Variants in DCTN5 observed in about 807,000 individuals in gnomAD.
The protein encoded by DCTN5 is dynactin subunit 5.
A neutral mutation model predicts 23.5 loss-of-function variants in DCTN5; 14 were observed. That is an observed-to-expected ratio of 0.60 (90% CI 0.39 to 0.93). The LOEUF is 0.93. Among genes scored for constraint, DCTN5 ranks in the 40% least tolerant of loss-of-function variants. DCTN5 has a pLI of 0.00. For missense variants in DCTN5, 156 were observed against 225.9 expected (o/e 0.69, Z 1.98); for synonymous variants, 67 against 79.6 (o/e 0.84, Z 0.84).
intron 2 of DCTN5, among the ~76,000 whole-genome samples, chr16:23,643,317 G>A (rs1002845529): frequency 2.0e-5 from 3 of 151,170 alleles, no homozygotes; most frequent in Non-Finnish European, 4.4e-5. Flanking sequence ...TCAGCCTCCC[G>A]AGTAGCTGGG....
Position 23,670,692 on chromosome 16 carries a change from C to T in DCTN5, c.*3548C>T, listed in dbSNP as rs939657129. 6 of 152,208 alleles carry T rather than the reference C, an allele frequency of 3.9e-5. No individual in the cohort carries two copies. Among genetic ancestry groups the T allele is most frequent in the African/African-American group, 4.8e-5 (2 of 41,534 alleles). 9.4% of individuals were successfully genotyped at this position (152,208 alleles called of 1,614,324 possible). A position where few individuals can be genotyped will look rare whatever the true frequency, so the allele number is the denominator to read the frequency against. Reference sequence around the variant, plus strand: ...ACTGGCAGTGTTGGGACAGCGTGTCCGAAGGCCTGGTTTTTTCAGAACTGG... The same window carrying T: ...ACTGGCAGTGTTGGGACAGCGTGTCTGAAGGCCTGGTTTTTTCAGAACTGG... On this transcript the variant is annotated 3_prime_UTR_variant, in exon 6 of 6. Transcript: ENST00000300087.
chr16:23,666,794 C>A (rs78452948), intron 5 of DCTN5: 7,585 of 536,914 alleles, frequency 0.014, 461 homozygotes, highest in African/African-American at 0.12. Context: ...TTTGGCCATT[C>A]TACCGTGTCA....
At chr16:23,651,800 G>A (rs918502919) in intron 2 of DCTN5, among the ~76,000 whole-genome samples, 4 of 152,132 alleles carry the variant, frequency 2.6e-5, no homozygotes, top group Non-Finnish European at 5.9e-5. Flanking sequence ...CAAGGCAGGC[G>A]GAGGCGGGCA....
intron 2 of DCTN5, among the ~76,000 whole-genome samples, chr16:23,649,871 A>G (rs967628754): frequency 6.8e-6 from 1 of 147,668 alleles, no homozygotes; most frequent in African/African-American, 2.5e-5. Context: ...TTTCATTTTG[A>G]GTTGATTTTT....
chr16:23,665,862 A>G (rs957185270), intron 5 of DCTN5, 134 bp downstream of exon 5: 5 of 699,660 alleles, frequency 7.1e-6, no homozygotes, highest in Admixed American at 2.9e-5. Context: ...CACCTGTACA[A>G]AGTACCTAGA....
intron 4 of DCTN5, among the ~76,000 whole-genome samples, chr16:23,662,093 T>A (rs1353407546): frequency 1.3e-5 from 2 of 151,354 alleles, no homozygotes; most frequent in Admixed American, 1.3e-4. Flanking sequence ...TTGATAGGGC[T>A]AGAAAGCAGT....
chr16:23,656,419 G>A (rs1276331552), intron 2 of DCTN5, among the ~76,000 whole-genome samples: 1 of 152,080 alleles, frequency 6.6e-6, no homozygotes, highest in African/African-American at 2.4e-5. Flanking sequence ...TGGTTGATAT[G>A]TCTCTTAAGT....
At chr16:23,649,338 A>G (rs532715387) in intron 2 of DCTN5, among the ~76,000 whole-genome samples, 8 of 152,268 alleles carry the variant, frequency 5.3e-5, no homozygotes, top group Admixed American at 4.6e-4. Flanking sequence ...TAGTTTGAAG[A>G]TATGTTCTGC....
chr16:23,651,475 A>G (rs8043812), intron 2 of DCTN5, among the ~76,000 whole-genome samples: 17,534 of 152,290 alleles, frequency 0.12, 1,212 homozygotes, highest in East Asian at 0.26. Flanking sequence ...GCTGACAAAC[A>G]GACTTATGTG....
chr16:23,646,540 G>A (rs1967462600), intron 2 of DCTN5, among the ~76,000 whole-genome samples: 1 of 151,988 alleles, frequency 6.6e-6, no homozygotes, highest in Non-Finnish European at 1.5e-5. Flanking sequence ...AATGGTCTTA[G>A]TGCTGTGTTT....
Position 23,665,609 on chromosome 16 carries a change from C to G in DCTN5, c.349-17C>G, listed in dbSNP as rs766201486. ...AGTAGACTGATCCATTTCCTATTAA[C>G]AAGATTTTAATTTCAGGGGCGCCGA... On this transcript the variant is annotated splice_polypyrimidine_tract_variant and intron_variant, in intron 4 of 5. Transcript: ENST00000300087. The G allele has an allele frequency of 3.1e-6, 5 of 1,607,172 alleles. No individual in the cohort carries two copies. The East Asian group carries it at 1.1e-4, about 36-fold the overall frequency.
rs1450983895 is a variant in DCTN5, at chr16:23,674,009, C to T, written c.*6865C>T. The T allele has an allele frequency of 2.0e-5, 3 of 152,170 alleles. No individual in the cohort carries two copies. The highest frequency in any genetic ancestry group is 7.2e-5 in the African/African-American group (3 of 41,438). 9.4% of individuals were successfully genotyped at this position (152,170 alleles called of 1,614,324 possible). A position where few individuals can be genotyped will look rare whatever the true frequency, so the allele number is the denominator to read the frequency against. The stretch of plus-strand genomic sequence containing the variant: ...AAGGCAGCCTTGCATGTCACTTGGA[C>T]CACAGCTGTCTGGCCATGCAGCATG... On this transcript the variant is annotated 3_prime_UTR_variant, in exon 6 of 6. Transcript: ENST00000300087.
At chr16:23,665,512 A>C (rs1967889610) in intron 4 of DCTN5, 114 bp from the exon 5 acceptor site, 1 of 982,312 alleles carries the variant, frequency 1.0e-6, no homozygotes, top group Non-Finnish European at 1.5e-6. Flanking sequence ...AGTTGCAACC[A>C]ACCCTCTTGT....
chr16:23,645,130 TATATA>T (rs1567228539), intron 2 of DCTN5, among the ~76,000 whole-genome samples: 228 of 36,874 alleles, frequency 6.2e-3, no homozygotes, highest in Non-Finnish European at 8.7e-3. Context: ...TATATATATA[TATATA>T]TATTTTTTTT....
chr16:23,657,479 C>T (rs754498213), intron 2 of DCTN5: 6 of 436,928 alleles, frequency 1.4e-5, no homozygotes, highest in South Asian at 6.3e-5. Flanking sequence ...TCACTCTTTT[C>T]GTCCAGGCTG....
chr16:23,663,402 T>C (rs1447254445), intron 4 of DCTN5, among the ~76,000 whole-genome samples: 2 of 152,138 alleles, frequency 1.3e-5, no homozygotes, highest in Non-Finnish European at 2.9e-5. Flanking sequence ...CTTGGAAAGC[T>C]CTCTAGGGAA....
intron 2 of DCTN5, among the ~76,000 whole-genome samples, chr16:23,643,274 C>G (rs1237854538): frequency 6.6e-6 from 1 of 151,922 alleles, no homozygotes; most frequent in Non-Finnish European, 1.5e-5. Flanking sequence ...TCGCTGCAAC[C>G]TCCGTCTCCC....
intron 2 of DCTN5, among the ~76,000 whole-genome samples, chr16:23,647,134 GGT>G (rs144814992): frequency 0.35 from 28,332 of 80,552 alleles, 2,835 homozygotes; most frequent in East Asian, 0.54. Context: ...TAAGTTTTCT[GGT>G]TTTTTTTTTT....
chr16:23,661,302 G>A (rs772504373), intron 4 of DCTN5, 21 bp downstream of exon 4: 2 of 1,576,034 alleles, frequency 1.3e-6, no homozygotes, highest in East Asian at 4.5e-5. Context: ...TGACTTGGCT[G>A]GCAAAGCAGC....
Sources: allele counts gnomAD v4.1 joint callset (sites outside exome capture counted in the v4.1 genomes callset), GRCh38; gene constraint gnomAD v4.1.1; transcripts MANE v1.5; gene names NCBI Gene and HGNC (gene_info 2026-07-23, HGNC 2026-07-21).